OR6N1: variants seen among roughly 807,000 people sequenced by gnomAD.
OR6N1 encodes the protein olfactory receptor 6N1.
For synonymous variants in OR6N1, 170 were observed against 150.7 expected (o/e 1.13, Z -0.94); for missense variants, 394 against 371.7 (o/e 1.06, Z -0.49).
the OR6N1 span, among the ~76,000 whole-genome samples, chr1:158,838,940 T>A: frequency 1.3e-5 from 2 of 152,202 alleles, no homozygotes; most frequent in Non-Finnish European, 2.9e-5. Context: ...TGGTAATTTC[T>A]ATTTTTTGTC....
chr1:158,787,586 C>T, the OR6N1 span, among the ~76,000 whole-genome samples: 1 of 143,098 alleles, frequency 7.0e-6, no homozygotes, highest in Non-Finnish European at 1.5e-5. Context: ...CATGTATATA[C>T]TTTCTCTCTC....
At chr1:158,777,542 G>C in the OR6N1 span, 44 of 1,613,970 alleles carry the variant, frequency 2.7e-5, no homozygotes, top group Non-Finnish European at 3.7e-5. Flanking sequence ...TATGCCAATA[G>C]CAGCAGGACA....
At chr1:158,835,829 A>G in the OR6N1 span, among the ~76,000 whole-genome samples, 6 of 151,944 alleles carry the variant, frequency 3.9e-5, no homozygotes, top group African/African-American at 9.7e-5. Flanking sequence ...TGTTTCTAAC[A>G]TGAAAGGCTA....
At chr1:158,787,889 TTTAGAGCC>T in the OR6N1 span, among the ~76,000 whole-genome samples, 560 of 152,248 alleles carry the variant, frequency 3.7e-3, 1 homozygote, top group Non-Finnish European at 4.7e-3. Flanking sequence ...TACAGAGACT[TTTAGAGCC>T]TTATATCCAC....
the OR6N1 span, among the ~76,000 whole-genome samples, chr1:158,802,512 G>A: frequency 6.6e-6 from 1 of 152,064 alleles, no homozygotes; most frequent in Non-Finnish European, 1.5e-5. Context: ...TTGAATACAT[G>A]AAGAATCACA....
chr1:158,793,197 C>A, the OR6N1 span, among the ~76,000 whole-genome samples: 3 of 149,776 alleles, frequency 2.0e-5, no homozygotes, highest in East Asian at 2.0e-4. Flanking sequence ...TTTATTTTTT[C>A]ATGTTGATTT....
the OR6N1 span, among the ~76,000 whole-genome samples, chr1:158,803,913 G>A: frequency 6.6e-6 from 1 of 152,148 alleles, no homozygotes; most frequent in Non-Finnish European, 1.5e-5. Flanking sequence ...ATAGAGTGAG[G>A]GAAAATGACA....
chr1:158,806,207 G>A, the OR6N1 span, among the ~76,000 whole-genome samples: 16,278 of 152,134 alleles, frequency 0.11, 1,021 homozygotes, highest in African/African-American at 0.17. Flanking sequence ...ACTGTCAGCA[G>A]AATAGAGTTT....
the OR6N1 span, among the ~76,000 whole-genome samples, chr1:158,816,742 G>T: frequency 2.6e-5 from 4 of 152,246 alleles, no homozygotes; most frequent in East Asian, 7.7e-4. Context: ...CCAAAAAGTG[G>T]CAACACTTGA....
the OR6N1 span, among the ~76,000 whole-genome samples, chr1:158,820,272 G>A: frequency 6.6e-6 from 1 of 152,204 alleles, no homozygotes; most frequent in African/African-American, 2.4e-5. Context: ...GCCATCATGA[G>A]CATGTCACAG....
In OR6N1 at chr1:158,765,479, A is replaced by G; in HGVS notation, c.*265T>C. ...ATTTTAAAAAAAACCTAAGTGTGAT[A>G]CATAAACATCTGAGTTTTGAAAATC... On this transcript the variant is annotated 3_prime_UTR_variant, in exon 2 of 2. Transcript: ENST00000641846. 1 of 352,112 alleles carries G rather than the reference A, an allele frequency of 2.8e-6. No homozygotes were observed. 21.8% of individuals were successfully genotyped at this position (352,112 alleles called of 1,614,324 possible).
chr1:158,796,095 A>ACACT, the OR6N1 span: 1 of 152,244 alleles, frequency 6.6e-6, no homozygotes, highest in Non-Finnish European at 1.5e-5. Flanking sequence ...GTGGGAAAAC[A>ACACT]GTTGGTGCTG....
At chr1:158,836,445 C>T in the OR6N1 span, among the ~76,000 whole-genome samples, 1 of 151,846 alleles carries the variant, frequency 6.6e-6, no homozygotes, top group African/African-American at 2.4e-5. Flanking sequence ...CTTTATGATT[C>T]AAAATTTGCA....
At chr1:158,820,717 T>C in the OR6N1 span, among the ~76,000 whole-genome samples, 1 of 152,186 alleles carries the variant, frequency 6.6e-6, no homozygotes, top group African/African-American at 2.4e-5. Context: ...TGCAATTACT[T>C]ATAGACCAAA....
At chr1:158,787,635 T>TCTCTCTCTCACACACACACA in the OR6N1 span, among the ~76,000 whole-genome samples, 200 of 134,258 alleles carry the variant, frequency 1.5e-3, 1 homozygote, top group Non-Finnish European at 2.0e-3. Context: ...TCTCTCTCTC[T>TCTCTCTCTCACACACACACA]CACACACACA....
At chr1:158,772,394 C>T (rs1030088125), upstream of OR6N1, among the ~76,000 whole-genome samples, 9 of 152,160 alleles carry the variant, frequency 5.9e-5, no homozygotes, top group African/African-American at 1.7e-4. Context: ...GTTACTACAA[C>T]AATAACTACC....
chr1:158,766,336 G>C lies in OR6N1; in HGVS notation c.347C>G (p.Thr116Arg), dbSNP rs1657264462. The change falls in exon 2 of 2, where the codon ACA becomes AGA. Residue 116 changes from threonine to arginine, a missense_variant. By Grantham distance (71) the Thr-to-Arg change is moderately conservative (BLOSUM62 -1). Coordinates refer to ENST00000641846, the MANE Select transcript of OR6N1 (RefSeq NM_001005185.2). Reference sequence around the variant, plus strand: ...TAAATACCTATCGTAGGCCATAGCTGTCAGGAGATAGCACTCAGTCGCTCC... The same window carrying C: ...TAAATACCTATCGTAGGCCATAGCTCTCAGGAGATAGCACTCAGTCGCTCC... ...SLGATECYLLTAMAYDRYLAI... is the reference protein window; with the variant it reads ...SLGATECYLLRAMAYDRYLAI... The C allele has an allele frequency of 1.9e-6, 3 of 1,613,980 alleles. No homozygotes were observed. Among genetic ancestry groups the C allele is most frequent in the Admixed American group, 1.7e-5 (1 of 59,998 alleles).
chr1:158,778,411 G>A, the OR6N1 span, among the ~76,000 whole-genome samples: 1 of 152,144 alleles, frequency 6.6e-6, no homozygotes, highest in African/African-American at 2.4e-5. Context: ...CTGTGTAAAA[G>A]AGAAAAAGAA....
the OR6N1 span, among the ~76,000 whole-genome samples, chr1:158,812,926 G>C: frequency 6.6e-6 from 1 of 152,136 alleles, no homozygotes; most frequent in Non-Finnish European, 1.5e-5. Context: ...CTAACACACA[G>C]TTCCTTTCCT....
Sources: allele counts gnomAD v4.1 joint callset (sites outside exome capture counted in the v4.1 genomes callset), GRCh38; gene constraint gnomAD v4.1.1; transcripts MANE v1.5; gene names NCBI Gene and HGNC (gene_info 2026-07-23, HGNC 2026-07-21).